TNRC6A: variants seen among roughly 807,000 people sequenced by gnomAD.
TNRC6A encodes trinucleotide repeat-containing gene 6A protein.
Under a neutral mutation model 221.2 loss-of-function variants are expected in TNRC6A, and 44 were observed. The observed-to-expected ratio is 0.20, with a 90% CI of 0.16 to 0.26. The LOEUF is 0.26. Among genes scored for constraint, TNRC6A ranks in the 10% least tolerant of loss-of-function variants. The pLI is 1.00. For synonymous variants in TNRC6A, 847 were observed against 838.5 expected (o/e 1.01, Z -0.18); for missense variants, 2,199 against 2,404.4 (o/e 0.91, Z 1.79).
rs74503033 is a variant in TNRC6A, at chr16:24,621,882, G to T, written n.276+11398G>T. ...CAGGATCTGCCAAGACAGAGCATCT[G>T]TGAATATGATGATTTCACCCCAGCA... On this transcript the variant is annotated intron_variant and non_coding_transcript_variant, in intron 1 of 2. Transcript: ENST00000566108. Among the ~76,000 whole-genome samples, 26 of 152,346 alleles carry T rather than the reference G, an allele frequency of 1.7e-4. No homozygotes were observed. In the East Asian group the frequency reaches 4.8e-3, roughly 28 times the overall value.
chr16:24,733,554 A>G (rs1297439879), intron 2 of TNRC6A, among the ~76,000 whole-genome samples: 1 of 152,246 alleles, frequency 6.6e-6, no homozygotes, highest in Non-Finnish European at 1.5e-5. Flanking sequence ...TTTGAAAGGC[A>G]GATAAAAGGG....
chr16:24,726,888 G>A (rs916156937), upstream of TNRC6A, among the ~76,000 whole-genome samples: 2 of 152,064 alleles, frequency 1.3e-5, no homozygotes, highest in Non-Finnish European at 2.9e-5. Flanking sequence ...ATTTTTCTTC[G>A]ATGTATGCAC....
At chr16:24,760,818 G>A (rs144999607) in intron 4 of TNRC6A, among the ~76,000 whole-genome samples, 174 of 152,196 alleles carry the variant, frequency 1.1e-3, no homozygotes, top group African/African-American at 3.4e-3. Flanking sequence ...CAGTTTCCCC[G>A]ATTATTAGCA....
At chr16:24,695,986 T>C (rs1426750944) in intron 2 of TNRC6A, among the ~76,000 whole-genome samples, 1 of 152,074 alleles carries the variant, frequency 6.6e-6, no homozygotes, top group African/African-American at 2.4e-5. Flanking sequence ...AGGATTACGA[T>C]GTTATTGACT....
chr16:24,649,783 T>A (rs1425805694), intron 2 of TNRC6A, among the ~76,000 whole-genome samples: 2 of 151,146 alleles, frequency 1.3e-5, no homozygotes, highest in Non-Finnish European at 2.9e-5. Flanking sequence ...TCTCCCCAAT[T>A]TCCCCATCCC....
intron 3 of TNRC6A, among the ~76,000 whole-genome samples, chr16:24,756,877 T>G (rs1398230400): frequency 3.9e-5 from 6 of 152,110 alleles, no homozygotes; most frequent in Non-Finnish European, 8.8e-5. Context: ...CAGGAGAGTG[T>G]TTTTTGTCTG....
At position 24,806,296 on chromosome 16, in the gene TNRC6A, C is replaced by G; in HGVS notation, c.4329+13C>G. 1 of 1,613,796 alleles carries G rather than the reference C, an allele frequency of 6.2e-7. No individual in the cohort carries two copies. Among genetic ancestry groups the G allele is most frequent in the Non-Finnish European group, 8.5e-7 (1 of 1,179,888 alleles). The stretch of plus-strand genomic sequence containing the variant: ...GCAAGACCAGCAGGTAGAGCCCGCC[C>G]TGCAACTCGCAATGCTGTCTTTGTG... On this transcript the variant is annotated intron_variant, in intron 16 of 24. Coordinates refer to ENST00000395799, the MANE Select transcript of TNRC6A (RefSeq NM_014494.4).
chr16:24,686,149 G>A (rs1479171107), intron 2 of TNRC6A, among the ~76,000 whole-genome samples: 2 of 152,084 alleles, frequency 1.3e-5, no homozygotes, highest in African/African-American at 2.4e-5. Flanking sequence ...GGGCCTCTCC[G>A]GTCTCCATGG....
At chr16:24,762,972 T>A (rs938427329) in intron 4 of TNRC6A, among the ~76,000 whole-genome samples, 1 of 152,180 alleles carries the variant, frequency 6.6e-6, no homozygotes, top group South Asian at 2.1e-4. Flanking sequence ...CTCTATTGAT[T>A]AAGCGTGTAG....
rs1490423614 is a variant in TNRC6A at position 24,794,600 on chromosome 16, C to T, written c.3409C>T (p.Arg1137Cys). The change falls in exon 8 of 25, where the codon CGC (arginine) becomes TGC (cysteine). Residue 1137 changes from arginine (R) to cysteine (C), a missense_variant. This residue lies in a region of TNRC6A where 1,405 missense variants were observed against 1,400.2 expected (regional missense o/e 1.00). Transcript: ENST00000395799. ...CGDDMPLPGN[R>C]PTGWEEEEDV... ...TGATGATATGCCATTGCCTGGAAATCGCCCCACTGGCTGGGAAGAGGAAGA... is the reference window on the plus strand; with the variant it reads ...TGATGATATGCCATTGCCTGGAAATTGCCCCACTGGCTGGGAAGAGGAAGA... 7.4e-6 allele frequency: 12 copies of T among 1,613,846 alleles called. No homozygotes were observed. The African/African-American group carries it at 8.0e-5, about 11-fold the overall frequency.
At chr16:24,676,238 T>C (rs766400814) in intron 2 of TNRC6A, among the ~76,000 whole-genome samples, 7 of 152,174 alleles carry the variant, frequency 4.6e-5, no homozygotes, top group South Asian at 2.1e-4. Flanking sequence ...AGGTCACTGA[T>C]GGCCTCCTTT....
intron 2 of TNRC6A, among the ~76,000 whole-genome samples, chr16:24,670,588 T>C (rs771148977): frequency 6.6e-6 from 1 of 152,184 alleles, no homozygotes; most frequent in Non-Finnish European, 1.5e-5. Context: ...TTCAGTAGAC[T>C]ATCTGAGAAC....
At chr16:24,801,027 C>A (rs183478120) in intron 11 of TNRC6A, among the ~76,000 whole-genome samples, 1 of 152,288 alleles carries the variant, frequency 6.6e-6, no homozygotes, top group African/African-American at 2.4e-5. Context: ...AATAAATGGT[C>A]ATTATTTGAG....
chr16:24,617,438 T>C (rs12933158), intron 1 of TNRC6A, among the ~76,000 whole-genome samples: 14,051 of 152,236 alleles, frequency 0.092, 837 homozygotes, highest in Non-Finnish European at 0.13. Context: ...AATTTAATAA[T>C]CCTAATGCCT....
At chr16:24,679,330 G>T (rs548047168) in intron 2 of TNRC6A, among the ~76,000 whole-genome samples, 1 of 148,792 alleles carries the variant, frequency 6.7e-6, no homozygotes, top group African/African-American at 2.5e-5. Flanking sequence ...TTGAGACAGG[G>T]TCTCTCTCTG....
At chr16:24,762,594 A>C (rs1290070990) in intron 4 of TNRC6A, among the ~76,000 whole-genome samples, 2 of 152,352 alleles carry the variant, frequency 1.3e-5, no homozygotes, top group Non-Finnish European at 2.9e-5. Context: ...CACGTAGTCT[A>C]TATTTAAAAA....
intron 2 of TNRC6A, chr16:24,665,042 A>G (rs905651492): frequency 2.2e-6 from 1 of 450,326 alleles, no homozygotes; most frequent in Non-Finnish European, 4.5e-6. Context: ...AGGAGGAAGG[A>G]CAAACTAACT....
chr16:24,760,936 C>T (rs1180196252), intron 4 of TNRC6A, among the ~76,000 whole-genome samples: 2 of 152,200 alleles, frequency 1.3e-5, no homozygotes, highest in African/African-American at 4.8e-5. Flanking sequence ...ATGCGAAATG[C>T]TGCCTTGCAT....
At chr16:24,624,442 G>A (rs1246826033) in intron 1 of TNRC6A, among the ~76,000 whole-genome samples, 1 of 151,930 alleles carries the variant, frequency 6.6e-6, no homozygotes, top group Non-Finnish European at 1.5e-5. Flanking sequence ...GTGCTGAATT[G>A]CCCACTGCTT....
Sources: allele counts gnomAD v4.1 joint callset (sites outside exome capture counted in the v4.1 genomes callset), GRCh38; gene constraint gnomAD v4.1.1; regional missense constraint gnomAD v4.1.1; transcripts MANE v1.5; gene names NCBI Gene and HGNC (gene_info 2026-07-23, HGNC 2026-07-21).